RPS6KL1: variants seen among roughly 807,000 people sequenced by gnomAD.
The protein encoded by RPS6KL1 is ribosomal protein S6 kinase like 1, also known as ribosomal protein S6 kinase-like 1.
In RPS6KL1, 41 loss-of-function variants were observed where a neutral mutation model predicts 57.0. The ratio of observed to expected loss-of-function variants is 0.72; its 90% CI spans 0.56 to 0.93. The LOEUF is 0.93. Among genes scored for constraint, RPS6KL1 ranks in the 40% least tolerant of loss-of-function variants. The pLI is 0.00. For missense variants in RPS6KL1, 697 were observed against 727.7 expected, an observed-to-expected ratio of 0.96 and a Z score of 0.49; for synonymous variants, 287 against 309.7, an observed-to-expected ratio of 0.93 and a Z score of 0.77.
intron 2 of RPS6KL1, chr14:74,921,772 C>CTTT: frequency 1.4e-5 from 12 of 863,426 alleles, no homozygotes; most frequent in South Asian, 6.7e-5. Flanking sequence ...ATTCTGTTTT[C>CTTT]TTTTCTTTTT....
At position 74,904,485 on chromosome 14, in the gene RPS6KL1, T is replaced by G. The variant is rs1884469249; in HGVS notation, c.*2529A>C. On this transcript the variant is annotated 3_prime_UTR_variant, in exon 12 of 12. Transcript: ENST00000557413. ...AGGTTAACTTTGGAATACCCTTGAC[T>G]GAGACGAGGGGTCCATACAGATGGT... The G allele has an allele frequency of 6.6e-6, 1 of 152,230 alleles. No individual in the cohort carries two copies. Among genetic ancestry groups the G allele is most frequent in the Non-Finnish European group, 1.5e-5 (1 of 68,038 alleles). The allele number at this position is 152,230 out of a possible 1,614,324, so 9.4% of individuals were successfully genotyped here. A position where few individuals can be genotyped will look rare whatever the true frequency, so the allele number is the denominator to read the frequency against.
intron 5 of RPS6KL1, among the ~76,000 whole-genome samples, chr14:74,915,865 C>A (rs1421950142): frequency 6.6e-6 from 1 of 152,232 alleles, no homozygotes; most frequent in East Asian, 1.9e-4. Flanking sequence ...GAAGAAGTGA[C>A]TTGGATGACC....
intron 3 of RPS6KL1, among the ~76,000 whole-genome samples, 186 bp downstream of exon 3, chr14:74,921,091 A>T (rs1206631755): frequency 1.3e-5 from 2 of 152,246 alleles, no homozygotes; most frequent in African/African-American, 4.8e-5. Context: ...TTAGAATAGT[A>T]CCTGGCATGT....
chr14:74,908,111 G>GGGGGA (rs1885230388), intron 10 of RPS6KL1, among the ~76,000 whole-genome samples: 1 of 152,190 alleles, frequency 6.6e-6, no homozygotes, highest in Non-Finnish European at 1.5e-5. Context: ...GGGGGAAATT[G>GGGGGA]CAGCCAGGAC....
chr14:74,907,156 T>C lies in RPS6KL1; in HGVS notation c.1540-32A>G, dbSNP rs1275163797. 7 of 1,559,044 alleles carry C rather than the reference T, an allele frequency of 4.5e-6. No individual in the cohort carries two copies. In the South Asian group the frequency reaches 8.2e-5, roughly 18 times the overall value. ...AGAGAGGCCCAGTCAGCTGGGCCAC[T>C]CCAGCTGTGGAGGCATGGGGTGACC... On this transcript the variant is annotated intron_variant, in intron 11 of 11. Transcript: ENST00000557413.
chr14:74,915,571 G>A (rs1475655301), intron 5 of RPS6KL1, among the ~76,000 whole-genome samples: 1 of 152,126 alleles, frequency 6.6e-6, no homozygotes, highest in Non-Finnish European at 1.5e-5. Flanking sequence ...TTTCAAACAA[G>A]TTCTTAAACT....
At position 74,906,749 on chromosome 14, in the gene RPS6KL1, G is replaced by C; in HGVS notation, c.*265C>G. 1.6e-6 allele frequency: 1 copy of C among 635,366 alleles called. No individual in the cohort carries two copies. Among genetic ancestry groups the C allele is most frequent in the Non-Finnish European group, 3.0e-6 (1 of 333,890 alleles). 39.4% of individuals were successfully genotyped at this position (635,366 alleles called of 1,614,324 possible). ...AACATGGTGAGTCCACATGCTCAAC[G>C]GGTCTGTTGACTGATGGGTAGATGG... On this transcript the variant is annotated 3_prime_UTR_variant, in exon 12 of 12. Coordinates refer to ENST00000557413, the MANE Select transcript of RPS6KL1 (RefSeq NM_031464.5).
intron 8 of RPS6KL1, 147 bp downstream of exon 8, chr14:74,909,396 A>C: frequency 8.6e-6 from 10 of 1,164,424 alleles, no homozygotes; most frequent in Non-Finnish European, 1.2e-5. Flanking sequence ...GCCTCGGCCA[A>C]CAGACTCCAG....
intron 5 of RPS6KL1, 142 bp from the exon 6 acceptor site, chr14:74,911,983 T>C: frequency 1.5e-6 from 1 of 677,456 alleles, no homozygotes. Flanking sequence ...TTGGTGGCAC[T>C]CCTGAAGCAG....
intron 7 of RPS6KL1, chr14:74,910,356 G>T: frequency 8.9e-6 from 4 of 447,672 alleles, no homozygotes; most frequent in Middle Eastern, 5.9e-4. Flanking sequence ...CAACTAAAGT[G>T]GGCCCAGCCT....
At chr14:74,908,736 G>A in intron 10 of RPS6KL1, 114 bp downstream of exon 10, 1 of 901,468 alleles carries the variant, frequency 1.1e-6, no homozygotes, top group Non-Finnish European at 1.8e-6. Flanking sequence ...GGGGGCAGTT[G>A]TGCTGGTAGG....
intron 3 of RPS6KL1, among the ~76,000 whole-genome samples, chr14:74,920,363 G>A (rs1887626844): frequency 6.6e-6 from 1 of 152,224 alleles, no homozygotes; most frequent in South Asian, 2.1e-4. Context: ...GTGTAAAGAA[G>A]GCTAGGGTGG....
At chr14:74,921,772 C>CTT in intron 2 of RPS6KL1, 17 of 863,408 alleles carry the variant, frequency 2.0e-5, no homozygotes, top group Admixed American at 1.3e-4. Context: ...ATTCTGTTTT[C>CTT]TTTTCTTTTT....
chr14:74,908,832 C>A lies in RPS6KL1; in HGVS notation c.1443+18G>T. ...CAGTGGCACCCACCAGGGCACTACA[C>A]CCAGCCCAGCCACTCACCATTCCCG... On this transcript the variant is annotated intron_variant, in intron 10 of 11. Transcript: ENST00000557413. The A allele has an allele frequency of 6.2e-7, 1 of 1,611,404 alleles. No homozygotes were observed. The highest frequency in any genetic ancestry group is 1.1e-5 in the South Asian group (1 of 91,018).
At chr14:74,918,698 A>G (rs1447155473) in intron 4 of RPS6KL1, 93 bp from the exon 5 acceptor site, 1 of 931,324 alleles carries the variant, frequency 1.1e-6, no homozygotes, top group African/African-American at 1.7e-5. Context: ...GGGCTTCTGG[A>G]TGCAAGGAGA....
At chr14:74,921,030 T>C (rs1224562712) in intron 3 of RPS6KL1, among the ~76,000 whole-genome samples, 1 of 152,234 alleles carries the variant, frequency 6.6e-6, no homozygotes, top group Non-Finnish European at 1.5e-5. Context: ...ACAACATATA[T>C]AGTAATTTCT....
At position 74,909,799 on chromosome 14, in the gene RPS6KL1, G is replaced by A. The variant is rs777862799; in HGVS notation, c.1014C>T (p.Asp338=). 1.2e-5 allele frequency: 20 copies of A among 1,606,498 alleles called. No individual in the cohort carries two copies. The East Asian group carries it at 1.3e-4, about 11-fold the overall frequency. The change falls in exon 8 of 12, where the codon GAC becomes GAT. Residue 338 remains aspartate (D), a synonymous_variant. Coordinates refer to ENST00000557413, the MANE Select transcript of RPS6KL1 (RefSeq NM_031464.5). ...AAGTGAGCCCCCGAGGGGGCCCAGC[G>A]TCTGAGTTCTGGCCAGCCCTCCTAG... is the stretch of plus-strand genomic sequence containing the variant. ...LQARRAGQNS[D]AGPPRGLTWV...
intron 5 of RPS6KL1, among the ~76,000 whole-genome samples, chr14:74,912,492 C>A (rs1040295958): frequency 2.2e-4 from 34 of 152,308 alleles, no homozygotes; most frequent in African/African-American, 7.7e-4. Context: ...GCCCCAACAT[C>A]CTGCAGGGTC....
At chr14:74,908,826 A>T in intron 10 of RPS6KL1, 24 bp downstream of exon 10, 3 of 1,605,606 alleles carry the variant, frequency 1.9e-6, no homozygotes, top group Non-Finnish European at 2.6e-6. Flanking sequence ...CCACCAGGGC[A>T]CTACACCCAG....
Sources: gnomAD v4.1 joint callset for allele counts (sites outside exome capture counted in the v4.1 genomes callset) on GRCh38, gnomAD v4.1.1 for gene constraint, MANE v1.5 for transcripts, NCBI Gene and HGNC (gene_info 2026-07-23, HGNC 2026-07-21) for gene names.